Variants in KIAA1217 observed in about 807,000 individuals in gnomAD.
KIAA1217 encodes sickle tail protein homolog.
KIAA1217 carries 88 observed loss-of-function variants against 163.9 expected under a neutral mutation model. The ratio of observed to expected loss-of-function variants is 0.54; its 90% CI spans 0.45 to 0.64. The LOEUF (loss-of-function observed/expected upper bound fraction) is 0.64, where lower values mean the gene tolerates loss of function less well. KIAA1217 is among the 30% of genes least tolerant of loss of function. The probability of loss-of-function intolerance (pLI) is 0.00; values close to 1 mark genes in which losing one functional copy is unlikely to be tolerated. For missense variants in KIAA1217, 2,372 were observed against 2,475.0 expected (o/e 0.96, Z 0.88); for synonymous variants, 903 against 923.1 (o/e 0.98, Z 0.39).
intron 2 of KIAA1217, among the ~76,000 whole-genome samples, chr10:24,081,804 G>A (rs1368457968): frequency 6.6e-6 from 1 of 152,186 alleles, no homozygotes; most frequent in Non-Finnish European, 1.5e-5. Flanking sequence ...CATGTGGCCT[G>A]GGGACTGAGG....
intron 2 of KIAA1217, among the ~76,000 whole-genome samples, chr10:24,046,486 A>G (rs534660661): frequency 5.1e-4 from 77 of 152,310 alleles, no homozygotes; most frequent in African/African-American, 1.8e-3. Context: ...TGCATGGCTG[A>G]GGAGGCCTCA....
chr10:23,790,366 C>CATATACATATGTAT lies in KIAA1217; in HGVS notation c.-321+95157_-321+95170dup, dbSNP rs1189940859. Among the ~76,000 whole-genome samples, 14 of 95,144 alleles carry CATATACATATGTAT rather than the reference C, an allele frequency of 1.5e-4. 1 individual carries two copies. Among genetic ancestry groups the CATATACATATGTAT allele is most frequent in the South Asian group, 8.9e-4 (3 of 3,372 alleles). The allele number at this position is 95,144 out of a possible 152,430, so 62.4% of individuals were successfully genotyped here. A position where few individuals can be genotyped will look rare whatever the true frequency, so the allele number is the denominator to read the frequency against. The stretch of plus-strand genomic sequence containing the variant: ...ATACATATGCATATATGCATATATA[C>CATATACATATGTAT]ATATACATATGTATATATACATATG... On this transcript the variant is annotated intron_variant, in intron 1 of 18. Transcript: ENST00000376462.
At chr10:24,017,040 G>GTTTTTTTTTTTTTTTT (rs35042335) in intron 2 of KIAA1217, among the ~76,000 whole-genome samples, 11 of 130,224 alleles carry the variant, frequency 8.4e-5, no homozygotes, top group East Asian at 2.5e-4. Flanking sequence ...TAGTTTTTTT[G>GTTTTTTTTTTTTTTTT]TTTTTTTTTT....
intron 2 of KIAA1217, among the ~76,000 whole-genome samples, chr10:24,140,203 C>CA (rs1206813060): frequency 1.3e-5 from 2 of 151,378 alleles, no homozygotes; most frequent in African/African-American, 2.4e-5. Flanking sequence ...ACTAAAAATA[C>CA]AAAAAAATTA....
chr10:24,253,392 G>A (rs890130194), intron 2 of KIAA1217, among the ~76,000 whole-genome samples: 13 of 152,208 alleles, frequency 8.5e-5, no homozygotes, highest in African/African-American at 2.6e-4. Context: ...AGCTCACCAC[G>A]GTGACCCCCA....
At chr10:24,370,412 A>G (rs2051463467) in intron 2 of KIAA1217, among the ~76,000 whole-genome samples, 1 of 152,216 alleles carries the variant, frequency 6.6e-6, no homozygotes. Flanking sequence ...GCTTCCTGAC[A>G]TACATGATAT....
intron 1 of KIAA1217, among the ~76,000 whole-genome samples, chr10:23,982,542 TC>T (rs1315952849): frequency 3.8e-4 from 47 of 124,028 alleles, no homozygotes; most frequent in African/African-American, 1.7e-3. Context: ...TCTCTCTCTC[TC>T]TCTCTCTCTC....
At chr10:24,500,944 A>T (rs766676194) in intron 8 of KIAA1217, among the ~76,000 whole-genome samples, 6 of 152,112 alleles carry the variant, frequency 3.9e-5, no homozygotes, top group Non-Finnish European at 8.8e-5. Flanking sequence ...AAACAAACAA[A>T]CAAAAAACCT....
chr10:24,460,381 GA>G (rs1249253842), intron 5 of KIAA1217, among the ~76,000 whole-genome samples: 22 of 152,326 alleles, frequency 1.4e-4, no homozygotes, highest in African/African-American at 5.3e-4. Context: ...AGTTCACAGT[GA>G]AGATCATTCA....
At chr10:24,219,981 T>C in intron 2 of KIAA1217, 72 bp downstream of exon 2, 2 of 1,454,010 alleles carry the variant, frequency 1.4e-6, no homozygotes, top group South Asian at 2.7e-5. Context: ...AAACTTACTT[T>C]CTTTGTAAAA....
chr10:23,851,787 G>GT (rs1471216097), intron 1 of KIAA1217, among the ~76,000 whole-genome samples: 2 of 152,022 alleles, frequency 1.3e-5, no homozygotes, highest in African/African-American at 4.8e-5. Flanking sequence ...TTTTTCATGT[G>GT]TTTTTTGGCT....
intron 5 of KIAA1217, among the ~76,000 whole-genome samples, chr10:24,467,226 G>A (rs1237075700): frequency 6.6e-6 from 1 of 152,112 alleles, no homozygotes; most frequent in East Asian, 1.9e-4. Context: ...GATATTTTCT[G>A]GTGTTTCAGA....
intron 11 of KIAA1217, among the ~76,000 whole-genome samples, chr10:24,521,576 G>A (rs1363054577): frequency 6.6e-6 from 1 of 152,154 alleles, no homozygotes; most frequent in African/African-American, 2.4e-5. Flanking sequence ...ACACAGACAG[G>A]AAACAGGCCT....
chr10:24,156,822 A>C (rs2064897124), intron 2 of KIAA1217, among the ~76,000 whole-genome samples: 1 of 152,138 alleles, frequency 6.6e-6, no homozygotes, highest in African/African-American at 2.4e-5. Context: ...ATAAAGGCTC[A>C]TGTTTTCCCC....
intron 2 of KIAA1217, among the ~76,000 whole-genome samples, chr10:24,053,474 T>G (rs1161063339): frequency 6.6e-6 from 1 of 152,144 alleles, no homozygotes; most frequent in African/African-American, 2.4e-5. Context: ...CTCATTAGTT[T>G]GGAGCTAATA....
chr10:23,904,455 T>C (rs1270478118), intron 1 of KIAA1217, among the ~76,000 whole-genome samples: 2 of 152,302 alleles, frequency 1.3e-5, no homozygotes, highest in Non-Finnish European at 2.9e-5. Flanking sequence ...CTCCAAAATA[T>C]TTTTGGTTTG....
chr10:24,188,388 T>C (rs1291196204), intron 2 of KIAA1217, among the ~76,000 whole-genome samples: 4 of 152,282 alleles, frequency 2.6e-5, no homozygotes, highest in East Asian at 3.9e-4. Flanking sequence ...CTTTCTGTCA[T>C]GCCCCTGGGA....
rs116929039 is a variant in KIAA1217, at chr10:23,708,116, G to A, written c.-321+12882G>A. The stretch of plus-strand genomic sequence containing the variant: ...AGAAGACAAAAGGTACCTCTTACAT[G>A]GCAGCAGACAAGAGAGAATGAGAGC... On this transcript the variant is annotated intron_variant, in intron 1 of 18. Transcript: ENST00000376462. Among the ~76,000 whole-genome samples the A allele has an allele frequency of 1.1e-3, 173 of 152,236 alleles. 11 individuals carry two copies. The East Asian group carries it at 0.027, about 24-fold the overall frequency.
intron 1 of KIAA1217, among the ~76,000 whole-genome samples, chr10:23,994,078 G>C (rs2131446386): frequency 6.6e-6 from 1 of 152,296 alleles, no homozygotes; most frequent in South Asian, 2.1e-4. Context: ...CAGATCTGGG[G>C]ATCCCTAGAG....
Sources: allele counts gnomAD v4.1 joint callset (sites outside exome capture counted in the v4.1 genomes callset), GRCh38; gene constraint gnomAD v4.1.1; transcripts MANE v1.5; gene names NCBI Gene and HGNC (gene_info 2026-07-23, HGNC 2026-07-21).